Variants in HDAC4 observed in about 807,000 individuals in gnomAD.
The protein encoded by HDAC4 is histone deacetylase 4.
HDAC4 carries 16 observed loss-of-function variants against 135.1 expected under a neutral mutation model. The ratio of observed to expected loss-of-function variants is 0.12; its 90% CI spans 0.08 to 0.18. HDAC4 has a LOEUF of 0.18. Among genes scored for constraint, HDAC4 ranks in the 10% least tolerant of loss-of-function variants. The probability of loss-of-function intolerance (pLI) is 1.00; values close to 1 mark genes in which losing one functional copy is unlikely to be tolerated. For synonymous variants in HDAC4, 685 were observed against 653.4 expected (o/e 1.05, Z -0.74); for missense variants, 1,143 against 1,511.8 (o/e 0.76, Z 4.05).
In HDAC4 at chr2:239,065,246, A is replaced by C. The variant is rs186602833; in HGVS notation, c.3003+1476T>G. ...CAGACACCAGAACCCAGGGGCGTGC[A>C]AGGCACCTGTAAGTGTGTGACCGCC... On this transcript the variant is annotated intron_variant, in intron 24 of 26. Transcript: ENST00000543185. 3.7e-3 allele frequency among the ~76,000 whole-genome samples: 570 copies of C among 152,308 alleles called. 3 individuals are homozygous for C. The highest frequency in any genetic ancestry group is 6.0e-3 in the Non-Finnish European group (406 of 68,014).
chr2:239,382,221 G>C (rs1340357836), intron 1 of HDAC4, among the ~76,000 whole-genome samples: 1 of 152,326 alleles, frequency 6.6e-6, no homozygotes, highest in Admixed American at 6.5e-5. Context: ...TGCAGAAGCT[G>C]GGAATACCAT....
At chr2:239,076,920 G>A (rs1347624997) in intron 22 of HDAC4, among the ~76,000 whole-genome samples, 2 of 151,888 alleles carry the variant, frequency 1.3e-5, no homozygotes, top group Admixed American at 6.6e-5. Flanking sequence ...CCAGCACCTC[G>A]AGACCTCACC....
chr2:239,214,471 G>C (rs1256074317), intron 3 of HDAC4, among the ~76,000 whole-genome samples: 1 of 152,214 alleles, frequency 6.6e-6, no homozygotes, highest in Non-Finnish European at 1.5e-5. Context: ...CACAGGGGCT[G>C]AGGATTAGCT....
At chr2:239,226,833 T>C (rs931555581) in intron 3 of HDAC4, among the ~76,000 whole-genome samples, 1 of 151,958 alleles carries the variant, frequency 6.6e-6, no homozygotes, top group Non-Finnish European at 1.5e-5. Flanking sequence ...CTGGGCCGCG[T>C]GGGGAGGCAC....
At chr2:239,298,576 C>T in intron 2 of HDAC4, 1 of 1,021,532 alleles carries the variant, frequency 9.8e-7, no homozygotes, top group Non-Finnish European at 1.2e-6. Context: ...CAGCCTCATT[C>T]CACCCACATC....
chr2:239,061,373 G>A (rs1250224876), intron 24 of HDAC4, among the ~76,000 whole-genome samples: 3 of 151,062 alleles, frequency 2.0e-5, no homozygotes, highest in Non-Finnish European at 4.4e-5. Context: ...TGTGGTACCT[G>A]TGTGGGTGTG....
At chr2:239,097,656 G>A (rs2037230453) in intron 16 of HDAC4, among the ~76,000 whole-genome samples, 1 of 152,182 alleles carries the variant, frequency 6.6e-6, no homozygotes, top group African/African-American at 2.4e-5. Context: ...GGGCTGGGCA[G>A]GAGCTGGCGG....
chr2:239,289,784 C>A (rs2051357347), intron 2 of HDAC4, among the ~76,000 whole-genome samples: 1 of 152,236 alleles, frequency 6.6e-6, no homozygotes, highest in Non-Finnish European at 1.5e-5. Flanking sequence ...CTGATCCTGC[C>A]CAAACTCTGA....
At chr2:239,273,987 G>A (rs951988472) in intron 2 of HDAC4, among the ~76,000 whole-genome samples, 1 of 152,210 alleles carries the variant, frequency 6.6e-6, no homozygotes, top group African/African-American at 2.4e-5. Context: ...AATGGTATTA[G>A]GGTCGCATGT....
chr2:239,078,614 C>T (rs185173561), intron 22 of HDAC4, among the ~76,000 whole-genome samples: 29 of 152,296 alleles, frequency 1.9e-4, no homozygotes, highest in Admixed American at 6.5e-4. Flanking sequence ...GGTATTATCA[C>T]GGACACACTT....
chr2:239,109,044 G>T (rs2038424472), intron 14 of HDAC4, among the ~76,000 whole-genome samples: 1 of 152,226 alleles, frequency 6.6e-6, no homozygotes, highest in Admixed American at 6.5e-5. Flanking sequence ...CTAGAGATGC[G>T]AGGGAAGGCC....
intron 1 of HDAC4, among the ~76,000 whole-genome samples, chr2:239,396,441 T>C (rs943754428): frequency 1.3e-5 from 2 of 152,180 alleles, no homozygotes; most frequent in Non-Finnish European, 2.9e-5. Context: ...GAAATTATTA[T>C]TATGACCAGC....
At chr2:239,260,564 G>A (rs1331496831) in intron 2 of HDAC4, among the ~76,000 whole-genome samples, 1 of 152,146 alleles carries the variant, frequency 6.6e-6, no homozygotes, top group Non-Finnish European at 1.5e-5. Flanking sequence ...TCCCAACACT[G>A]TAGCCTCAAG....
At position 239,309,940 on chromosome 2, in the gene HDAC4, G is replaced by C. The variant is rs559879760; in HGVS notation, c.22+42738C>G. ...ATGGGGCATGAAGGGAGGGTGGCCAGGGTGGCCCGAGCCAGCATCAGGCAC... is the reference window on the plus strand; with the variant it reads ...ATGGGGCATGAAGGGAGGGTGGCCACGGTGGCCCGAGCCAGCATCAGGCAC... On this transcript the variant is annotated intron_variant, in intron 2 of 26. Transcript: ENST00000543185. The surrounding 1 kb of genome is among the most constrained non-coding windows in gnomAD (Gnocchi z 4.2). Among the ~76,000 whole-genome samples, 49 of 152,374 alleles carry C rather than the reference G, an allele frequency of 3.2e-4. No homozygotes were observed. The highest frequency in any genetic ancestry group is 1.1e-3 in the African/African-American group (47 of 41,592).
chr2:239,086,873 C>T (rs2036019397), intron 19 of HDAC4, among the ~76,000 whole-genome samples: 1 of 152,232 alleles, frequency 6.6e-6, no homozygotes, highest in Non-Finnish European at 1.5e-5. Context: ...CTTTCTAGCA[C>T]CACCCCTCCT....
intron 6 of HDAC4, among the ~76,000 whole-genome samples, chr2:239,157,551 C>T (rs1326629877): frequency 6.6e-6 from 1 of 152,214 alleles, no homozygotes. Flanking sequence ...ATGTGGGCTG[C>T]CACCCGGATG....
chr2:239,252,963 C>T (rs947296126), intron 2 of HDAC4, among the ~76,000 whole-genome samples: 2 of 152,234 alleles, frequency 1.3e-5, no homozygotes, highest in East Asian at 1.9e-4. Flanking sequence ...ACGGAGAGCC[C>T]GCTGGCCACG....
chr2:239,365,250 G>C (rs532970135), intron 1 of HDAC4, among the ~76,000 whole-genome samples: 1 of 152,190 alleles, frequency 6.6e-6, no homozygotes, highest in African/African-American at 2.4e-5. Flanking sequence ...GCCACATGGC[G>C]CAAGACTTCA....
chr2:239,226,552 G>A (rs1220740698), intron 3 of HDAC4, among the ~76,000 whole-genome samples: 2 of 152,124 alleles, frequency 1.3e-5, no homozygotes, highest in South Asian at 4.1e-4. Flanking sequence ...TCTCCACGAC[G>A]CCCCAACCAA....
Sources: allele counts gnomAD v4.1 joint callset (sites outside exome capture counted in the v4.1 genomes callset), GRCh38; gene constraint gnomAD v4.1.1; non-coding constraint Gnocchi (gnomAD v3.1); transcripts MANE v1.5; gene names NCBI Gene and HGNC (gene_info 2026-07-23, HGNC 2026-07-21).